Variants in LDAH observed in about 807,000 individuals in gnomAD.
LDAH encodes lipid droplet-associated hydrolase.
A neutral mutation model predicts 29.6 loss-of-function variants in LDAH; 26 were observed. The observed-to-expected ratio is 0.88, with a 90% confidence interval of 0.64 to 1.22. The LOEUF (loss-of-function observed/expected upper bound fraction) is 1.22. Ranked by LOEUF, LDAH falls within the 50% of genes most tolerant of loss-of-function variation. LDAH has a pLI of 0.00. For missense variants in LDAH, 344 were observed against 387.3 expected (o/e 0.89, Z 0.94); for synonymous variants, 117 against 133.0 (o/e 0.88, Z 0.83).
intron 5 of LDAH, among the ~76,000 whole-genome samples, chr2:20,718,942 A>T (rs997790087): frequency 6.6e-6 from 1 of 152,084 alleles, no homozygotes; most frequent in Non-Finnish European, 1.5e-5. Context: ...TTATGAGAGA[A>T]ATTTTTTAAA....
In LDAH at chr2:20,685,654, T is replaced by A. The variant is rs917347817; in HGVS notation, c.*1249A>T. 3.9e-6 allele frequency: 6 copies of A among 1,549,746 alleles called. No individual in the cohort carries two copies. In the African/African-American group the frequency reaches 6.8e-5, roughly 18 times the overall value. ...GGGAATGATAATGCCATGAGGGATTTCCTCTAGGAGAAAAAGGAATATTTC... is the reference window on the plus strand; with the variant it reads ...GGGAATGATAATGCCATGAGGGATTACCTCTAGGAGAAAAAGGAATATTTC... On this transcript the variant is annotated 3_prime_UTR_variant, in exon 7 of 7. Coordinates refer to ENST00000237822, the MANE Select transcript of LDAH (RefSeq NM_021925.4).
intron 5 of LDAH, among the ~76,000 whole-genome samples, chr2:20,739,108 T>C (rs1490566815): frequency 1.3e-5 from 2 of 152,252 alleles, no homozygotes; most frequent in African/African-American, 4.8e-5. Context: ...AGTTGCTTCA[T>C]CTAAAATGGG....
At chr2:20,782,258 T>C (rs1192958266) in intron 3 of LDAH, among the ~76,000 whole-genome samples, 2 of 152,228 alleles carry the variant, frequency 1.3e-5, no homozygotes, top group African/African-American at 4.8e-5. Context: ...GTGATTTTGA[T>C]GCATGCCAAA....
At chr2:20,776,236 TTGTG>T (rs376139124) in intron 3 of LDAH, among the ~76,000 whole-genome samples, 1 of 151,964 alleles carries the variant, frequency 6.6e-6, no homozygotes, top group Non-Finnish European at 1.5e-5. Flanking sequence ...ATGGTTTTTT[TTGTG>T]TGTGTGTGTG....
At position 20,801,952 on chromosome 2, in the gene LDAH, G is replaced by GTGTA. The variant is rs766885477; in HGVS notation, c.-2-488_-2-487insTACA. Among the ~76,000 whole-genome samples the GTGTA allele has an allele frequency of 1.9e-3, 279 of 147,942 alleles. 2 individuals carry two copies. The highest frequency in any genetic ancestry group is 7.0e-3 in the African/African-American group (265 of 38,072). ...TCTATGTGTGTGTGTGTGTGTGTGTGTGTGTATGTGTGTGTGTGTGTGTGT... is the reference window on the plus strand; with the variant it reads ...TCTATGTGTGTGTGTGTGTGTGTGTGTGTATGTGTATGTGTGTGTGTGTGTGTGT... On this transcript the variant is annotated intron_variant, in intron 1 of 6. Coordinates refer to ENST00000237822, the MANE Select transcript of LDAH (RefSeq NM_021925.4).
intron 1 of LDAH, among the ~76,000 whole-genome samples, chr2:20,820,403 G>C (rs981012778): frequency 6.6e-6 from 1 of 152,056 alleles, no homozygotes; most frequent in African/African-American, 2.4e-5. Context: ...CATGGTACTG[G>C]TACCAAAACA....
At chr2:20,788,847 A>G in intron 3 of LDAH, 1 of 304,018 alleles carries the variant, frequency 3.3e-6, no homozygotes, top group South Asian at 3.5e-5. Flanking sequence ...TGTTTTATAA[A>G]CTTATATTTA....
intron 2 of LDAH, 134 bp downstream of exon 2, chr2:20,801,176 T>A: frequency 1.2e-6 from 1 of 830,556 alleles, no homozygotes; most frequent in South Asian, 1.9e-5. Context: ...TTAAGGGTGG[T>A]TGTTAACAAT....
rs1039439790 is a variant in LDAH, at chr2:20,698,406, T to C, written c.786+3164A>G. 2.2e-4 allele frequency among the ~76,000 whole-genome samples: 34 copies of C among 152,172 alleles called. No homozygotes were observed. The highest frequency in any genetic ancestry group is 2.2e-3 in the Admixed American group (34 of 15,278). ...TTTAGTCAAATGACAAAATAACCTATAGGCCGGGCGCAGTGGCTCATGCCT... is the reference window on the plus strand; with the variant it reads ...TTTAGTCAAATGACAAAATAACCTACAGGCCGGGCGCAGTGGCTCATGCCT... On this transcript the variant is annotated intron_variant, in intron 6 of 6. Transcript: ENST00000237822. This position sits in a 1 kb window ranked among gnomAD's most constrained non-coding sequence, Gnocchi z 4.4.
At chr2:20,747,608 G>A (rs1667664310) in intron 4 of LDAH, among the ~76,000 whole-genome samples, 1 of 152,086 alleles carries the variant, frequency 6.6e-6, no homozygotes, top group Non-Finnish European at 1.5e-5. Flanking sequence ...CACAAGCTTA[G>A]TAAGCTTATT....
chr2:20,747,766 A>G (rs892808540), intron 4 of LDAH, among the ~76,000 whole-genome samples: 1 of 152,200 alleles, frequency 6.6e-6, no homozygotes, highest in African/African-American at 2.4e-5. Flanking sequence ...TAACAGTAGT[A>G]GTGATAGCTT....
At chr2:20,721,189 C>G (rs572072876) in intron 5 of LDAH, among the ~76,000 whole-genome samples, 1 of 152,206 alleles carries the variant, frequency 6.6e-6, no homozygotes, top group South Asian at 2.1e-4. Context: ...AGTGAAGAAA[C>G]AGTCTACAGC....
At chr2:20,756,602 C>A (rs1668360066) in intron 4 of LDAH, among the ~76,000 whole-genome samples, 1 of 151,548 alleles carries the variant, frequency 6.6e-6, no homozygotes, top group Non-Finnish European at 1.5e-5. Context: ...TGCATAGATG[C>A]CAAAATCAAA....
At chr2:20,799,655 T>C (rs993954618) in intron 2 of LDAH, among the ~76,000 whole-genome samples, 1 of 152,174 alleles carries the variant, frequency 6.6e-6, no homozygotes, top group Non-Finnish European at 1.5e-5. Flanking sequence ...CCTGTTTACC[T>C]CTCTCTTCAT....
At chr2:20,801,270 T>A in intron 2 of LDAH, 40 bp downstream of exon 2, 1 of 1,581,326 alleles carries the variant, frequency 6.3e-7, no homozygotes, top group Non-Finnish European at 8.6e-7. Flanking sequence ...TAGTTATGAG[T>A]ATCTACAAAA....
intron 6 of LDAH, among the ~76,000 whole-genome samples, chr2:20,691,983 A>G (rs538666916): frequency 2.0e-5 from 3 of 152,268 alleles, no homozygotes; most frequent in African/African-American, 7.2e-5. Context: ...TTGTCCCCAC[A>G]TCTGTCTTTT....
intron 5 of LDAH, among the ~76,000 whole-genome samples, chr2:20,721,285 A>G (rs1423820081): frequency 6.6e-6 from 1 of 152,246 alleles, no homozygotes; most frequent in Non-Finnish European, 1.5e-5. Context: ...CAATAGCATG[A>G]TGACAAATAA....
intron 1 of LDAH, among the ~76,000 whole-genome samples, chr2:20,805,153 T>C (rs181716940): frequency 3.3e-5 from 5 of 152,270 alleles, no homozygotes; most frequent in East Asian, 3.9e-4. Flanking sequence ...TTCAAGTAAA[T>C]GACATTGTGG....
intron 5 of LDAH, among the ~76,000 whole-genome samples, chr2:20,713,750 A>G (rs1664951973): frequency 6.6e-6 from 1 of 152,198 alleles, no homozygotes; most frequent in Admixed American, 6.5e-5. Flanking sequence ...CTCAGATGAA[A>G]CAGACTTTAA....
Sources: gnomAD v4.1 joint callset for allele counts (sites outside exome capture counted in the v4.1 genomes callset) on GRCh38, gnomAD v4.1.1 for gene constraint, Gnocchi (gnomAD v3.1) non-coding constraint, MANE v1.5 for transcripts, NCBI Gene and HGNC (gene_info 2026-07-23, HGNC 2026-07-21) for gene names.